The following ATP1B1 variants were observed in gnomAD, a reference collection of about 807,000 sequenced individuals.
The protein encoded by ATP1B1 is sodium/potassium-transporting ATPase subunit beta-1.
In ATP1B1, 3 loss-of-function variants were observed where a neutral mutation model predicts 39.6. That is an observed-to-expected ratio of 0.08 (90% CI 0.03 to 0.20). The LOEUF is 0.20. Ranked by LOEUF, ATP1B1 falls within the 10% of genes least tolerant of loss-of-function variation. ATP1B1 has a pLI of 1.00. For synonymous variants in ATP1B1, 139 were observed against 135.0 expected (o/e 1.03, Z -0.20); for missense variants, 216 against 371.1 (o/e 0.58, Z 3.43).
chr1:169,124,258 A>G (rs1200994329), intron 2 of ATP1B1, among the ~76,000 whole-genome samples: 2 of 152,192 alleles, frequency 1.3e-5, no homozygotes, highest in Non-Finnish European at 2.9e-5. Context: ...ACATGCTGAG[A>G]CTTTCAGATT....
chr1:169,118,711 CTGTG>C (rs921135851), intron 2 of ATP1B1, among the ~76,000 whole-genome samples: 9 of 152,042 alleles, frequency 5.9e-5, no homozygotes, highest in African/African-American at 2.2e-4. Flanking sequence ...ATTCATACCT[CTGTG>C]TATTTTTTTT....
chr1:169,128,213 C>T (rs1439069697), intron 4 of ATP1B1, among the ~76,000 whole-genome samples: 1 of 152,148 alleles, frequency 6.6e-6, no homozygotes, highest in Non-Finnish European at 1.5e-5. Flanking sequence ...CCCTAATCAC[C>T]CGTATATGAG....
At chr1:169,108,890 T>C (rs918995656) in intron 1 of ATP1B1, among the ~76,000 whole-genome samples, 5 of 152,328 alleles carry the variant, frequency 3.3e-5, no homozygotes, top group Admixed American at 1.3e-4. Flanking sequence ...TCTGCCCCTT[T>C]CTGGCAGTGT....
intron 2 of ATP1B1, among the ~76,000 whole-genome samples, chr1:169,120,380 C>T (rs1657950143): frequency 6.6e-6 from 1 of 152,126 alleles, no homozygotes; most frequent in Admixed American, 6.5e-5. Flanking sequence ...TGTTAGTTAC[C>T]ACCGTCTAAG....
intron 1 of ATP1B1, among the ~76,000 whole-genome samples, chr1:169,108,739 T>A (rs1418408191): frequency 4.6e-5 from 7 of 152,242 alleles, no homozygotes; most frequent in Admixed American, 3.3e-4. Context: ...TTTTTATGTC[T>A]TGATATCCTA....
intron 2 of ATP1B1, among the ~76,000 whole-genome samples, chr1:169,113,014 T>G (rs1259790583): frequency 6.6e-6 from 1 of 152,214 alleles, no homozygotes; most frequent in Non-Finnish European, 1.5e-5. Context: ...ATTTTGTTTT[T>G]GTTCTTTGTT....
intron 1 of ATP1B1, chr1:169,107,884 ACATCATCATCAT>A (rs531481247): frequency 6.6e-6 from 1 of 151,088 alleles, no homozygotes; most frequent in Non-Finnish European, 1.5e-5. Flanking sequence ...TCCTCCTCCA[ACATCATCATCAT>A]CATCATCATC....
intron 1 of ATP1B1, 91 bp from the exon 2 acceptor site, chr1:169,111,279 A>T: frequency 6.5e-7 from 1 of 1,537,286 alleles, no homozygotes; most frequent in Non-Finnish European, 8.8e-7. Flanking sequence ...CGGGGGAACC[A>T]GGAAGGAAGC....
intron 4 of ATP1B1, among the ~76,000 whole-genome samples, chr1:169,129,622 T>C (rs900766447): frequency 2.6e-5 from 4 of 152,196 alleles, no homozygotes; most frequent in Admixed American, 2.0e-4. Flanking sequence ...AGCCCACGCT[T>C]TATAAAAACA....
In ATP1B1 at chr1:169,106,698, A is replaced by G. The variant is rs1657597412; in HGVS notation, c.-132A>G. The G allele has an allele frequency of 1.8e-6, 1 of 570,108 alleles. No individual in the cohort carries two copies. Among genetic ancestry groups the G allele is most frequent in the South Asian group, 2.8e-5 (1 of 35,714 alleles). The allele number at this position is 570,108 out of a possible 1,614,324, so 35.3% of individuals were successfully genotyped here. ...TCCGCCGCGCGTCTCGCACTCCGAGAGCCGCAGCGGCAGCGGCGCGTCCTG... is the reference window on the plus strand; with the variant it reads ...TCCGCCGCGCGTCTCGCACTCCGAGGGCCGCAGCGGCAGCGGCGCGTCCTG... On this transcript the variant is annotated 5_prime_UTR_variant, in exon 1 of 6. Transcript: ENST00000367815.
chr1:169,127,529 C>T (rs879426567), intron 4 of ATP1B1, 121 bp downstream of exon 4: 17 of 1,082,626 alleles, frequency 1.6e-5, no homozygotes, highest in Admixed American at 3.4e-5. Context: ...GAAACGTAGC[C>T]AGTAGAGTAA....
chr1:169,114,414 A>T (rs912941398), intron 2 of ATP1B1, among the ~76,000 whole-genome samples: 11 of 152,234 alleles, frequency 7.2e-5, no homozygotes, highest in Non-Finnish European at 1.5e-4. Context: ...TAATAATATT[A>T]TCAGCTGAAT....
At chr1:169,108,392 A>G (rs1044215833) in intron 1 of ATP1B1, among the ~76,000 whole-genome samples, 7 of 152,168 alleles carry the variant, frequency 4.6e-5, no homozygotes, top group African/African-American at 1.7e-4. Flanking sequence ...TAGAATGAAC[A>G]GCTCCCTGGC....
chr1:169,107,021 C>G (rs1239397433), intron 1 of ATP1B1, 95 bp downstream of exon 1: 20 of 1,236,758 alleles, frequency 1.6e-5, no homozygotes, highest in Non-Finnish European at 2.1e-5. Context: ...CCGCACCCAC[C>G]GCGCTGGCCG....
intron 4 of ATP1B1, among the ~76,000 whole-genome samples, chr1:169,129,520 G>T (rs1242441865): frequency 6.6e-6 from 1 of 152,112 alleles, no homozygotes; most frequent in Non-Finnish European, 1.5e-5. Flanking sequence ...CAGTCTCCCC[G>T]ACTGGAGATT....
intron 5 of ATP1B1, 35 bp downstream of exon 5, chr1:169,130,125 AG>A: frequency 1.3e-6 from 2 of 1,579,332 alleles, no homozygotes; most frequent in Non-Finnish European, 1.7e-6. Context: ...GGGTGGTGGA[AG>A]GGTAGGCAGA....
chr1:169,114,078 C>T (rs1016957258), intron 2 of ATP1B1, among the ~76,000 whole-genome samples: 3 of 146,972 alleles, frequency 2.0e-5, no homozygotes, highest in Admixed American at 1.3e-4. Flanking sequence ...AGCAGAGTGC[C>T]GGCTGCCACA....
intron 1 of ATP1B1, chr1:169,110,810 TA>T (rs1047659301): frequency 2.7e-5 from 17 of 620,808 alleles, no homozygotes; most frequent in South Asian, 4.1e-5. Flanking sequence ...AGAGTGATAG[TA>T]AAAAAAACAG....
chr1:169,127,194 A>G (rs2101791815), intron 3 of ATP1B1, 30 bp from the exon 4 acceptor site: 1 of 1,548,834 alleles, frequency 6.5e-7, no homozygotes, highest in South Asian at 1.3e-5. Flanking sequence ...AATTGCTGGT[A>G]CAATATAAAA....
Sources: gnomAD v4.1 joint callset for allele counts (sites outside exome capture counted in the v4.1 genomes callset) on GRCh38, gnomAD v4.1.1 for gene constraint, MANE v1.5 for transcripts, NCBI Gene and HGNC (gene_info 2026-07-23, HGNC 2026-07-21) for gene names.